ACCS: variants seen among roughly 807,000 people sequenced by gnomAD.
ACCS encodes 1-aminocyclopropane-1-carboxylate synthase homolog (inactive).
ACCS carries 42 observed loss-of-function variants against 59.8 expected under a neutral mutation model. That is an observed-to-expected ratio of 0.70 (90% CI 0.55 to 0.91). ACCS has a LOEUF of 0.91. Among genes scored for constraint, ACCS ranks in the 40% least tolerant of loss-of-function variants. The pLI is 0.00. For missense variants in ACCS, 602 were observed against 630.4 expected (o/e 0.95, Z 0.48); for synonymous variants, 230 against 240.3 (o/e 0.96, Z 0.40).
rs145349955 is a variant in ACCS, at chr11:44,077,863, C to A, written c.673C>A (p.Arg225Ser). ...TTTCCAGGTCACTGGGCTAGACACACGCCCCTTCCAGCTCACAGTGGAGAA... is the reference window on the plus strand; with the variant it reads ...TTTCCAGGTCACTGGGCTAGACACAAGCCCCTTCCAGCTCACAGTGGAGAA... The part of the protein sequence containing the change: ...LDSEVTGLDT[R>S]PFQLTVEKLE... Residue 225 changes from arginine (R) to serine (S), a missense_variant, in exon 8 of 15, where the codon CGC becomes AGC. Transcript: ENST00000263776. 1.9e-6 allele frequency: 3 copies of A among 1,613,914 alleles called. No individual in the cohort carries two copies. Among genetic ancestry groups the A allele is most frequent in the South Asian group, 1.1e-5 (1 of 91,020 alleles).
intron 10 of ACCS, chr11:44,080,790 A>C: frequency 1.7e-6 from 1 of 586,174 alleles, no homozygotes; most frequent in South Asian, 2.0e-5. Context: ...GTTCTCATTA[A>C]ACTTTATTTA....
At chr11:44,067,509 C>T in intron 1 of ACCS, 119 bp from the exon 2 acceptor site, 3 of 1,063,670 alleles carry the variant, frequency 2.8e-6, no homozygotes, top group Non-Finnish European at 2.7e-6. Flanking sequence ...GTGATGAGTG[C>T]ATAAACCTAA....
At position 44,075,688 on chromosome 11, in the gene ACCS, C is replaced by T. The variant is rs1312288020; in HGVS notation, c.556+96C>T. On this transcript the variant is annotated intron_variant, in intron 6 of 14. Coordinates refer to ENST00000263776, the MANE Select transcript of ACCS (RefSeq NM_032592.4). ...CTCAAGGGCTGCAATAGTATGCTTTCGGGCACAATAGAATATACTAGACTG... is the reference window on the plus strand; with the variant it reads ...CTCAAGGGCTGCAATAGTATGCTTTTGGGCACAATAGAATATACTAGACTG... The T allele has an allele frequency of 3.2e-5, 45 of 1,427,750 alleles. No individual in the cohort carries two copies. The African/African-American group carries it at 4.4e-4, about 14-fold the overall frequency. The allele number at this position is 1,427,750 out of a possible 1,614,324, so 88.4% of individuals were successfully genotyped here.
intron 5 of ACCS, among the ~76,000 whole-genome samples, chr11:44,075,006 T>G (rs549446513): frequency 3.5e-4 from 53 of 151,568 alleles, no homozygotes; most frequent in African/African-American, 1.2e-3. Context: ...GTATTTTTAG[T>G]AGAGATGGGG....
chr11:44,067,509 C>A, intron 1 of ACCS, 119 bp from the exon 2 acceptor site: 1 of 1,063,668 alleles, frequency 9.4e-7, no homozygotes, highest in Non-Finnish European at 1.4e-6. Flanking sequence ...GTGATGAGTG[C>A]ATAAACCTAA....
At chr11:44,079,777 C>T (rs79087227) in intron 10 of ACCS, among the ~76,000 whole-genome samples, 157 bp downstream of exon 10, 47 of 152,216 alleles carry the variant, frequency 3.1e-4, no homozygotes, top group Non-Finnish European at 2.8e-4. Flanking sequence ...GAAGCAGGGA[C>T]GGTTGGGCTA....
chr11:44,072,587 G>A (rs1183957153), intron 3 of ACCS, among the ~76,000 whole-genome samples: 2 of 151,736 alleles, frequency 1.3e-5, no homozygotes, highest in Admixed American at 6.6e-5. Context: ...AAGATGCCAG[G>A]TAAAAACTAA....
chr11:44,070,489 T>C (rs910796931), intron 2 of ACCS, among the ~76,000 whole-genome samples: 5 of 152,154 alleles, frequency 3.3e-5, no homozygotes, highest in African/African-American at 1.2e-4. Context: ...TGCCTTTTAT[T>C]TTGTCATAGC....
chr11:44,068,660 G>A (rs956501371), intron 2 of ACCS, among the ~76,000 whole-genome samples: 1 of 152,184 alleles, frequency 6.6e-6, no homozygotes, highest in African/African-American at 2.4e-5. Context: ...TACCTGTTGT[G>A]TAGAAGAGTC....
At chr11:44,071,109 C>G (rs1006970607) in intron 2 of ACCS, 147 bp from the exon 3 acceptor site, 2 of 793,654 alleles carry the variant, frequency 2.5e-6, no homozygotes, top group Middle Eastern at 2.4e-4. Flanking sequence ...GCAGAAGGCA[C>G]ACCTTGAGCA....
rs1952794471 is a variant in ACCS at position 44,066,274 on chromosome 11, G to A, written c.-428G>A. The A allele has an allele frequency of 6.6e-6, 1 of 152,034 alleles. No individual in the cohort carries two copies. Among genetic ancestry groups the A allele is most frequent in the East Asian group, 1.9e-4 (1 of 5,180 alleles). 9.4% of individuals were successfully genotyped at this position (152,034 alleles called of 1,614,324 possible). A position where few individuals can be genotyped will look rare whatever the true frequency, so the allele number is the denominator to read the frequency against. ...GTTTCCGGGCGGAGAAAACCTACAC[G>A]TGATGGGCGCCCACCGAGTGCCAGC... On this transcript the variant is annotated 5_prime_UTR_variant, in exon 1 of 15. It adds an upstream start codon to the 5' untranslated region. Transcript: ENST00000263776.
Position 44,083,124 on chromosome 11 carries a change from A to G in ACCS, c.1112-45A>G, listed in dbSNP as rs187643906. ...CATTTAGACTAGTGGGACCAAGTAGAGGGTTGATGGGATATTGATCTTCTG... is the reference window on the plus strand; with the variant it reads ...CATTTAGACTAGTGGGACCAAGTAGGGGGTTGATGGGATATTGATCTTCTG... On this transcript the variant is annotated intron_variant, in intron 12 of 14. Transcript: ENST00000263776. 2.8e-5 allele frequency: 44 copies of G among 1,593,344 alleles called. No individual in the cohort carries two copies. The East Asian group carries it at 1.0e-3, about 36-fold the overall frequency.
At position 44,083,853 on chromosome 11, in the gene ACCS, G is replaced by A. The variant is rs923263292; in HGVS notation, c.*61G>A. ...CCACTGTGGACCTGGGGCGTTCTGG[G>A]GCTGCAGAAGACTGACTGTGGATGT... is the stretch of plus-strand genomic sequence containing the variant. On this transcript the variant is annotated 3_prime_UTR_variant, in exon 15 of 15. Coordinates refer to ENST00000263776, the MANE Select transcript of ACCS (RefSeq NM_032592.4). 1.5e-5 allele frequency: 23 copies of A among 1,551,450 alleles called. No individual in the cohort carries two copies. Among genetic ancestry groups the A allele is most frequent in the Non-Finnish European group, 2.0e-5 (23 of 1,147,516 alleles).
intron 2 of ACCS, among the ~76,000 whole-genome samples, chr11:44,071,020 G>C (rs1043017061): frequency 6.6e-6 from 1 of 152,142 alleles, no homozygotes; most frequent in South Asian, 2.1e-4. Flanking sequence ...CTTCCAGGTG[G>C]GGTTATAGGG....
intron 8 of ACCS, chr11:44,078,389 G>T (rs182774600): frequency 5.0e-5 from 17 of 337,802 alleles, no homozygotes; most frequent in African/African-American, 1.0e-4. Flanking sequence ...CTTCTGTCAT[G>T]AAAGCTATAC....
Position 44,084,040 on chromosome 11 carries a change from T to A in ACCS, c.*248T>A. On this transcript the variant is annotated 3_prime_UTR_variant, in exon 15 of 15. Transcript: ENST00000263776. ...GAGTCCATATGTCTCCATTGTGAGT[T>A]ATTTAGAATGGAGGAGTCGTGACTG... 2 of 689,662 alleles carry A rather than the reference T, an allele frequency of 2.9e-6. No homozygotes were observed. Among genetic ancestry groups the A allele is most frequent in the Non-Finnish European group, 2.2e-6 (1 of 455,722 alleles). The allele number at this position is 689,662 out of a possible 1,614,324, so 42.7% of individuals were successfully genotyped here. A position where few individuals can be genotyped will look rare whatever the true frequency, so the allele number is the denominator to read the frequency against.
In ACCS at chr11:44,081,233, G is replaced by A. The variant is rs1159366799; in HGVS notation, c.1024G>A (p.Val342Met). ...CACGCTGTACACAGAAAACCAGGAT[G>A]TGGCCACTGCCGTGGCTTCCCTCTG... The part of the protein sequence containing the change: ...FGTLYTENQD[V>M]ATAVASLCRY... Residue 342 changes from valine to methionine, a missense_variant, in exon 12 of 15, where the codon GTG becomes ATG. By Grantham distance (21) the Val-to-Met change is conservative (BLOSUM62 1). Coordinates refer to ENST00000263776, the MANE Select transcript of ACCS (RefSeq NM_032592.4). 1 of 1,614,136 alleles carries A rather than the reference G, an allele frequency of 6.2e-7. No individual in the cohort carries two copies. Among genetic ancestry groups the A allele is most frequent in the Non-Finnish European group, 8.5e-7 (1 of 1,180,050 alleles).
chr11:44,078,648 G>T lies in ACCS; in HGVS notation c.733-36G>T, dbSNP rs1445187650. 3.7e-6 allele frequency: 6 copies of T among 1,602,616 alleles called. No individual in the cohort carries two copies. In the African/African-American group the frequency reaches 5.4e-5, roughly 14 times the overall value. ...ACTGTGTGGCTCTGGCCTTGGGGAA[G>T]AGCTGAGGGTCTCCTGCCCTAACGG... On this transcript the variant is annotated intron_variant, in intron 8 of 14. Transcript: ENST00000263776.
At chr11:44,075,643 A>T (rs1953323641) in intron 6 of ACCS, 51 bp downstream of exon 6, 1 of 1,596,320 alleles carries the variant, frequency 6.3e-7, no homozygotes, top group Admixed American at 1.7e-5. Context: ...TTGTGCTTGC[A>T]GGGTTCCCAG....
Sources: allele counts gnomAD v4.1 joint callset (sites outside exome capture counted in the v4.1 genomes callset), GRCh38; gene constraint gnomAD v4.1.1; transcripts MANE v1.5; gene names NCBI Gene and HGNC (gene_info 2026-07-23, HGNC 2026-07-21).